The following BMPR1B variants were observed in gnomAD, a reference collection of about 807,000 sequenced individuals.
BMPR1B encodes the protein bone morphogenetic protein receptor type-1B.
Under a neutral mutation model 59.1 loss-of-function variants are expected in BMPR1B, and 12 were observed. The observed-to-expected ratio is 0.20, with a 90% CI of 0.13 to 0.33. The LOEUF is 0.33. BMPR1B is among the 10% of genes least tolerant of loss of function. The probability of loss-of-function intolerance (pLI) is 1.00; values close to 1 mark genes in which losing one functional copy is unlikely to be tolerated. For missense variants in BMPR1B, 550 were observed against 610.9 expected, an observed-to-expected ratio of 0.90 and a Z score of 1.05; for synonymous variants, 237 against 207.3, an observed-to-expected ratio of 1.14 and a Z score of -1.23.
chr4:94,872,862 C>A (rs1352135553), intron 1 of BMPR1B, among the ~76,000 whole-genome samples: 3 of 152,168 alleles, frequency 2.0e-5, no homozygotes, highest in Non-Finnish European at 1.5e-5. Context: ...TTGTACGAGG[C>A]AGTTTCTGCA....
intron 10 of BMPR1B, among the ~76,000 whole-genome samples, chr4:95,147,810 A>G (rs1734751451): frequency 6.6e-6 from 1 of 152,142 alleles, no homozygotes. Context: ...CAGGGCTTGT[A>G]CATGTCATCT....
intron 10 of BMPR1B, among the ~76,000 whole-genome samples, chr4:95,141,002 C>T (rs1052635267): frequency 6.6e-6 from 1 of 152,148 alleles, no homozygotes; most frequent in Non-Finnish European, 1.5e-5. Flanking sequence ...CATATATTAA[C>T]TACTTCATCA....
At chr4:94,771,290 G>A (rs182596174) in intron 1 of BMPR1B, among the ~76,000 whole-genome samples, 1 of 152,274 alleles carries the variant, frequency 6.6e-6, no homozygotes, top group African/African-American at 2.4e-5. Context: ...TGGTAGTGCT[G>A]GATTCTAATG....
At chr4:95,063,710 A>C (rs1158347122) in intron 3 of BMPR1B, among the ~76,000 whole-genome samples, 1 of 152,192 alleles carries the variant, frequency 6.6e-6, no homozygotes, top group East Asian at 1.9e-4. Context: ...AACAAACTAC[A>C]GACAGGCAAA....
At chr4:95,075,620 A>T (rs577763748) in intron 3 of BMPR1B, among the ~76,000 whole-genome samples, 2 of 152,202 alleles carry the variant, frequency 1.3e-5, no homozygotes, top group African/African-American at 2.4e-5. Context: ...AATTATTTCC[A>T]TGTTTCCAAG....
chr4:95,137,877 C>G (rs557158369), intron 10 of BMPR1B, among the ~76,000 whole-genome samples: 2 of 152,284 alleles, frequency 1.3e-5, no homozygotes, highest in African/African-American at 4.8e-5. Flanking sequence ...CAGTCCGTAT[C>G]TTTTAATTGG....
chr4:94,835,644 T>A (rs1321205487), intron 1 of BMPR1B, among the ~76,000 whole-genome samples: 7 of 149,124 alleles, frequency 4.7e-5, no homozygotes, highest in Non-Finnish European at 9.0e-5. Flanking sequence ...TTGAAAATAT[T>A]TATTAAGTAT....
chr4:95,054,272 T>C (rs781070662), intron 3 of BMPR1B, among the ~76,000 whole-genome samples: 5 of 152,176 alleles, frequency 3.3e-5, no homozygotes, highest in Non-Finnish European at 7.4e-5. Flanking sequence ...CTCTTCCTAC[T>C]TGGGATAGAA....
At chr4:94,817,852 T>A (rs2110649144) in intron 1 of BMPR1B, among the ~76,000 whole-genome samples, 1 of 152,230 alleles carries the variant, frequency 6.6e-6, no homozygotes, top group South Asian at 2.1e-4. Flanking sequence ...TTCATGGGAG[T>A]TTCTTATTCT....
intron 1 of BMPR1B, among the ~76,000 whole-genome samples, chr4:94,791,178 G>A (rs66816682): frequency 0.078 from 11,847 of 151,956 alleles, 519 homozygotes; most frequent in African/African-American, 0.13. Context: ...TAGTAAAGAT[G>A]GGGTTTCACC....
chr4:95,144,478 CT>C (rs33917101), intron 10 of BMPR1B, among the ~76,000 whole-genome samples: 7,080 of 149,552 alleles, frequency 0.047, 541 homozygotes, highest in African/African-American at 0.16. Flanking sequence ...CACACCAGGC[CT>C]TTTTTTTTTT....
At chr4:94,937,236 A>G (rs1213591434) in intron 2 of BMPR1B, among the ~76,000 whole-genome samples, 1 of 151,960 alleles carries the variant, frequency 6.6e-6, no homozygotes, top group Non-Finnish European at 1.5e-5. Context: ...GGAATTTTTT[A>G]TCCTTCACGA....
intron 1 of BMPR1B, among the ~76,000 whole-genome samples, chr4:94,764,057 T>C (rs1721875008): frequency 6.6e-6 from 1 of 152,170 alleles, no homozygotes; most frequent in Non-Finnish European, 1.5e-5. Context: ...TCTTCTTCAA[T>C]TTGTCAAGAG....
intron 3 of BMPR1B, among the ~76,000 whole-genome samples, chr4:95,094,927 A>G (rs1402872267): frequency 1.6e-4 from 24 of 152,220 alleles, no homozygotes. Context: ...TTCTTTCCCT[A>G]CATATGATTT....
chr4:94,818,876 A>T (rs1724104903), intron 1 of BMPR1B, among the ~76,000 whole-genome samples: 1 of 152,154 alleles, frequency 6.6e-6, no homozygotes, highest in South Asian at 2.1e-4. Flanking sequence ...TCATGCCTGT[A>T]ATCTCAGCAC....
Position 95,130,005 on chromosome 4 carries a change from A to C in BMPR1B, c.729A>C (p.Arg243Ser). 6.2e-6 allele frequency: 10 copies of C among 1,614,006 alleles called. No individual in the cohort carries two copies. The highest frequency in any genetic ancestry group is 7.6e-6 in the Non-Finnish European group (9 of 1,179,912). The change falls in exon 9 of 13, where the codon AGA (arginine) becomes AGC (serine). Residue 243 changes from arginine to serine, a missense_variant. By Grantham distance (110) the Arg-to-Ser change is moderately radical. Around this residue, in one of 6 missense-constraint regions of BMPR1B, gnomAD observed 318 missense variants for 284.6 expected, o/e 1.12. Transcript: ENST00000515059. ...FFTTEEASWF[R>S]ETEIYQTVLM... Reference sequence around the variant, plus strand: ...CCACAGAGGAAGCCAGCTGGTTCAGAGAGACAGAAATATATCAGACAGTGT... The same window carrying C: ...CCACAGAGGAAGCCAGCTGGTTCAGCGAGACAGAAATATATCAGACAGTGT...
At chr4:94,918,387 C>T (rs1263712078) in intron 2 of BMPR1B, among the ~76,000 whole-genome samples, 2 of 152,196 alleles carry the variant, frequency 1.3e-5, no homozygotes, top group African/African-American at 4.8e-5. Context: ...CAAAGAAATG[C>T]AACTTCTGGA....
At chr4:94,795,232 G>T (rs1009653208) in intron 1 of BMPR1B, among the ~76,000 whole-genome samples, 5 of 147,092 alleles carry the variant, frequency 3.4e-5, no homozygotes, top group African/African-American at 5.1e-5. Flanking sequence ...AGCATGAAGG[G>T]TTGTTGAATT....
chr4:94,830,594 CCAT>C, intron 1 of BMPR1B, among the ~76,000 whole-genome samples: 1 of 152,068 alleles, frequency 6.6e-6, no homozygotes, highest in Admixed American at 6.5e-5. Flanking sequence ...CTAGATACTA[CCAT>C]ATATCTGAAA....
Sources: gnomAD v4.1 joint callset for allele counts (sites outside exome capture counted in the v4.1 genomes callset) on GRCh38, gnomAD v4.1.1 for gene constraint, gnomAD v4.1.1 regional missense constraint, MANE v1.5 for transcripts, NCBI Gene and HGNC (gene_info 2026-07-23, HGNC 2026-07-21) for gene names.